The following NUFIP2 variants were observed in gnomAD, a reference collection of about 807,000 sequenced individuals.
NUFIP2 encodes the protein FMR1-interacting protein NUFIP2.
In NUFIP2, 6 loss-of-function variants were observed where a neutral mutation model predicts 56.9. That is an observed-to-expected ratio of 0.11 (90% CI 0.06 to 0.21). The LOEUF (loss-of-function observed/expected upper bound fraction) is 0.21, where lower values mean the gene tolerates loss of function less well. NUFIP2 is among the 10% of genes least tolerant of loss of function. NUFIP2 has a pLI of 1.00. For synonymous variants in NUFIP2, 321 were observed against 298.2 expected, an observed-to-expected ratio of 1.08 and a Z score of -0.79; for missense variants, 828 against 826.8, an observed-to-expected ratio of 1.00 and a Z score of -0.02.
At chr17:29,270,454 G>A (rs1016422160) in intron 2 of NUFIP2, among the ~76,000 whole-genome samples, 1 of 151,222 alleles carries the variant, frequency 6.6e-6, no homozygotes, top group Non-Finnish European at 1.5e-5. Flanking sequence ...ATTATCTTAC[G>A]AATTTCTGGA....
Position 29,292,381 on chromosome 17 carries a change from G to T in NUFIP2, c.277+1402C>A, listed in dbSNP as rs539146758. ...AGCTCAGAAGGTAAGTGCTGGGTCG[G>T]GAGGGGAATGGAACAAGGTTTTTGG... is the stretch of plus-strand genomic sequence containing the variant. On this transcript the variant is annotated intron_variant, in intron 1 of 3. Transcript: ENST00000225388. 2.6e-4 allele frequency among the ~76,000 whole-genome samples: 39 copies of T among 151,792 alleles called. 1 individual carries two copies. Among genetic ancestry groups the T allele is most frequent in the Admixed American group, 2.2e-3 (34 of 15,242 alleles).
chr17:29,286,307 T>TGG lies in NUFIP2; in HGVS notation c.1685_1686dup (p.Lys563ProfsTer19). On this transcript the variant is annotated frameshift_variant, in exon 2 of 4. Transcript: ENST00000225388. LOFTEE classifies it high-confidence loss of function. ...GTCCGTTTCTCCAGCTCGTAAGCCT[T>TGG]GGGAAACACAGGATGCTCAGTTCCT... 1.2e-6 allele frequency: 2 copies of TGG among 1,614,156 alleles called. No individual in the cohort carries two copies. Among genetic ancestry groups the TGG allele is most frequent in the Non-Finnish European group, 1.7e-6 (2 of 1,180,010 alleles).
intron 2 of NUFIP2, among the ~76,000 whole-genome samples, chr17:29,268,347 A>G (rs939289414): frequency 6.6e-6 from 1 of 152,258 alleles, no homozygotes; most frequent in Non-Finnish European, 1.5e-5. Context: ...CATTATTTAA[A>G]AAACACCAAG....
chr17:29,276,346 C>T (rs1008835810), intron 2 of NUFIP2, among the ~76,000 whole-genome samples: 1 of 152,124 alleles, frequency 6.6e-6, no homozygotes, highest in African/African-American at 2.4e-5. Flanking sequence ...ATCCTGACTG[C>T]CCTTCCCTCA....
At position 29,286,820 on chromosome 17, in the gene NUFIP2, T is replaced by C. The variant is rs146112698; in HGVS notation, c.1174A>G (p.Thr392Ala). 5,711 of 1,614,138 alleles carry C rather than the reference T, an allele frequency of 3.5e-3. 10 individuals are homozygous for C. Among genetic ancestry groups the C allele is most frequent in the Non-Finnish European group, 4.5e-3 (5,366 of 1,180,014 alleles). ...TGGGATAAGCGACTTGATGATTGGG[T>C]CTGAGTTTCCCCGGTAGATGATGAA... ...SSSSSTGETQTQSSSRLSQVP... is the reference protein window; with the variant it reads ...SSSSSTGETQAQSSSRLSQVP... Residue 392 changes from threonine (T) to alanine (A), a missense_variant, in exon 2 of 4, where the codon ACC (threonine) becomes GCC (alanine). Transcript: ENST00000225388.
Position 29,264,734 on chromosome 17 carries a change from C to T in NUFIP2, c.2036-143G>A, listed in dbSNP as rs145826750. On this transcript the variant is annotated intron_variant, in intron 3 of 3. Transcript: ENST00000225388. ...CTTCAAGCCCATTTCCTCCTTGTAC[C>T]AACACATGTATGATCCAGTTTCTCA... 81 of 556,272 alleles carry T rather than the reference C, an allele frequency of 1.5e-4. No homozygotes were observed. In the East Asian group the frequency reaches 2.5e-3, roughly 17 times the overall value. The allele number at this position is 556,272 out of a possible 1,614,324, so 34.5% of individuals were successfully genotyped here.
intron 2 of NUFIP2, among the ~76,000 whole-genome samples, chr17:29,279,851 G>GT (rs1420325098): frequency 5.9e-5 from 9 of 152,168 alleles, no homozygotes; most frequent in Non-Finnish European, 1.0e-4. Context: ...GTCTTGCTGT[G>GT]TCTCCTAGGC....
chr17:29,260,515 T>C lies in NUFIP2; in HGVS notation c.*4024A>G, dbSNP rs2068996485. 1 of 152,190 alleles carries C rather than the reference T, an allele frequency of 6.6e-6. No individual in the cohort carries two copies. The highest frequency in any genetic ancestry group is 2.4e-5 in the African/African-American group (1 of 41,432). 9.4% of individuals were successfully genotyped at this position (152,190 alleles called of 1,614,324 possible). On this transcript the variant is annotated 3_prime_UTR_variant, in exon 4 of 4. Transcript: ENST00000225388. ...GTCCTTATTTACAGTGGAATTAAAATTGAGTAAAGTCCATTTCCAATAGCC... is the reference window on the plus strand; with the variant it reads ...GTCCTTATTTACAGTGGAATTAAAACTGAGTAAAGTCCATTTCCAATAGCC...
rs1334756160 is a variant in NUFIP2 at position 29,267,546 on chromosome 17, G to C, written c.2003-16C>G. 1 of 1,508,132 alleles carries C rather than the reference G, an allele frequency of 6.6e-7. No individual in the cohort carries two copies. Among genetic ancestry groups the C allele is most frequent in the East Asian group, 2.3e-5 (1 of 42,758 alleles). The allele number at this position is 1,508,132 out of a possible 1,614,324, so 93.4% of individuals were successfully genotyped here. A position where few individuals can be genotyped will look rare whatever the true frequency, so the allele number is the denominator to read the frequency against. ...GATTCCATTTCTGCAAAGAAAAAAA[G>C]AGAATTACATACTAAGTTTTGGTGA... On this transcript the variant is annotated splice_polypyrimidine_tract_variant and intron_variant, in intron 2 of 3. Transcript: ENST00000225388.
intron 2 of NUFIP2, among the ~76,000 whole-genome samples, chr17:29,278,030 AAAG>A (rs1480267413): frequency 1.3e-5 from 2 of 152,104 alleles, no homozygotes; most frequent in Non-Finnish European, 2.9e-5. Flanking sequence ...AAGGGAAAGA[AAAG>A]AAAAAGAAAT....
At position 29,286,217 on chromosome 17, in the gene NUFIP2, A is replaced by G. The variant is rs551646661; in HGVS notation, c.1777T>C (p.Leu593=). 3.7e-6 allele frequency: 6 copies of G among 1,614,142 alleles called. No homozygotes were observed. In the African/African-American group the frequency reaches 5.3e-5, roughly 14 times the overall value. Residue 593 remains leucine, a synonymous_variant, in exon 2 of 4, where the codon TTG becomes CTG. Transcript: ENST00000225388. The stretch of plus-strand genomic sequence containing the variant: ...AGGTCACCTATATGACTGGGTTCCA[A>G]GGATAAGGCTCCACTCTCACTAGTA... The part of the protein sequence containing the change: ...GTTSESGALS[L]EPSHIGDLQK...
At position 29,256,882 on chromosome 17, in the gene NUFIP2, A is replaced by C. The variant is rs898232107; in HGVS notation, c.*7657T>G. Reference sequence around the variant, plus strand: ...AAAACAACCAGTGCTTTGATCTTACAAACAACTGAATAATTCTAATCTCAA... The same window carrying C: ...AAAACAACCAGTGCTTTGATCTTACCAACAACTGAATAATTCTAATCTCAA... On this transcript the variant is annotated 3_prime_UTR_variant, in exon 4 of 4. Transcript: ENST00000225388. 5.9e-5 allele frequency: 9 copies of C among 152,218 alleles called. No individual in the cohort carries two copies. The highest frequency in any genetic ancestry group is 1.2e-4 in the Non-Finnish European group (8 of 68,032). 9.4% of individuals were successfully genotyped at this position (152,218 alleles called of 1,614,324 possible). A position where few individuals can be genotyped will look rare whatever the true frequency, so the allele number is the denominator to read the frequency against.
In NUFIP2 at chr17:29,286,715, C is replaced by T. The variant is rs371652562; in HGVS notation, c.1279G>A (p.Val427Ile). 21 of 1,613,978 alleles carry T rather than the reference C, an allele frequency of 1.3e-5. No individual in the cohort carries two copies. The African/African-American group carries it at 1.6e-4, about 12-fold the overall frequency. Reference sequence around the variant, plus strand: ...AGTGGCTGACCCCCTGGAGGATAAACATTTCCATCAGTCCCTGCTAAAACA... The same window carrying T: ...AGTGGCTGACCCCCTGGAGGATAAATATTTCCATCAGTCCCTGCTAAAACA... ...GPVLAGTDGN[V>I]YPPGGQPLLT... The change falls in exon 2 of 4, where the codon GTT (valine) becomes ATT (isoleucine). Residue 427 changes from valine to isoleucine, a missense_variant. Val to Ile is a conservative substitution (Grantham distance 29, BLOSUM62 3). This residue lies in a region of NUFIP2 where 404 missense variants were observed against 380.3 expected (regional missense o/e 1.06). Transcript: ENST00000225388.
In NUFIP2 at chr17:29,294,024, G is replaced by A. The variant is rs2069236477; in HGVS notation, c.36C>T (p.His12=). The change falls in exon 1 of 4, where the codon CAC becomes CAT. Residue 12 remains histidine (H), a synonymous_variant. Coordinates refer to ENST00000225388, the MANE Select transcript of NUFIP2 (RefSeq NM_020772.3). ...GGTGCGGATGGTGGTGGCTGTGATG[G>A]TGCTGAGGCTGTGGCTGGCCGGGCT... ...EEKPGQPQPQ[H]HHSHHHPHHH... 6.2e-7 allele frequency: 1 copy of A among 1,610,410 alleles called. No individual in the cohort carries two copies. Among genetic ancestry groups the A allele is most frequent in the East Asian group, 2.2e-5 (1 of 44,816 alleles).
At chr17:29,275,504 T>C (rs772047577) in intron 2 of NUFIP2, among the ~76,000 whole-genome samples, 3 of 152,176 alleles carry the variant, frequency 2.0e-5, no homozygotes, top group Non-Finnish European at 4.4e-5. Context: ...AAATTCAAAC[T>C]AAGGAATTTA....
rs1204221510 is a variant in NUFIP2, at chr17:29,258,340, T to C, written c.*6199A>G. 2 of 152,182 alleles carry C rather than the reference T, an allele frequency of 1.3e-5. No individual in the cohort carries two copies. Among genetic ancestry groups the C allele is most frequent in the Non-Finnish European group, 2.9e-5 (2 of 68,026 alleles). 9.4% of individuals were successfully genotyped at this position (152,182 alleles called of 1,614,324 possible). A position where few individuals can be genotyped will look rare whatever the true frequency, so the allele number is the denominator to read the frequency against. On this transcript the variant is annotated 3_prime_UTR_variant, in exon 4 of 4. Transcript: ENST00000225388. Reference sequence around the variant, plus strand: ...AAGTAGCATTCACTAAAGTTTTCCTTTGCTAAGTAAAAAGACAAGAGAAAC... The same window carrying C: ...AAGTAGCATTCACTAAAGTTTTCCTCTGCTAAGTAAAAAGACAAGAGAAAC...
chr17:29,284,373 T>G (rs970749267), intron 2 of NUFIP2, among the ~76,000 whole-genome samples: 3 of 152,148 alleles, frequency 2.0e-5, no homozygotes, highest in African/African-American at 7.2e-5. Flanking sequence ...ATACAGCGAA[T>G]TTTTCTTTAA....
intron 2 of NUFIP2, among the ~76,000 whole-genome samples, chr17:29,272,084 G>GGGAGC (rs2069077078): frequency 8.0e-6 from 1 of 125,010 alleles, no homozygotes; most frequent in African/African-American, 3.1e-5. Context: ...GAGAGGGGAG[G>GGGAGC]GGAGGGGAGG....
At chr17:29,266,290 T>C (rs1471462799) in intron 3 of NUFIP2, among the ~76,000 whole-genome samples, 11 of 152,028 alleles carry the variant, frequency 7.2e-5, no homozygotes, top group Admixed American at 1.3e-4. Context: ...TTCTAGTCTA[T>C]GTTTTTTTCA....
Sources: gnomAD v4.1 joint callset for allele counts (sites outside exome capture counted in the v4.1 genomes callset) on GRCh38, gnomAD v4.1.1 for gene constraint, gnomAD v4.1.1 regional missense constraint, MANE v1.5 for transcripts, NCBI Gene and HGNC (gene_info 2026-07-23, HGNC 2026-07-21) for gene names.